Variants in GRAMD1B observed in about 807,000 individuals in gnomAD.
GRAMD1B encodes the protein GRAM domain containing 1B.
GRAMD1B carries 37 observed loss-of-function variants against 99.7 expected under a neutral mutation model. That is an observed-to-expected ratio of 0.37 (90% CI 0.29 to 0.49). GRAMD1B has a LOEUF of 0.49. Ranked by LOEUF, GRAMD1B falls within the 20% of genes least tolerant of loss-of-function variation. The pLI, the probability that GRAMD1B is intolerant of heterozygous loss-of-function variation, is 0.98. For missense variants in GRAMD1B, 888 were observed against 1,009.2 expected (o/e 0.88, Z 1.63); for synonymous variants, 427 against 387.6 (o/e 1.10, Z -1.19).
chr11:123,611,687 T>A lies in GRAMD1B; in HGVS notation c.1920-1074T>A, dbSNP rs376182273. Among the ~76,000 whole-genome samples, 8 of 152,226 alleles carry A rather than the reference T, an allele frequency of 5.3e-5. No homozygotes were observed. In the East Asian group the frequency reaches 1.5e-3, roughly 29 times the overall value. ...CTGCAGCCATGCAGAGGTAGCTGGG[T>A]GAACTTGAACAGACCATTATAGGAA... On this transcript the variant is annotated intron_variant, in intron 14 of 19. Transcript: ENST00000635736.
intron 1 of GRAMD1B, among the ~76,000 whole-genome samples, chr11:123,440,739 G>T (rs1233941191): frequency 6.6e-6 from 1 of 152,178 alleles, no homozygotes; most frequent in African/African-American, 2.4e-5. Flanking sequence ...CATGGTGCCA[G>T]TATCTGCTTC....
intron 4 of GRAMD1B, among the ~76,000 whole-genome samples, chr11:123,588,641 G>A (rs984958313): frequency 5.9e-5 from 9 of 152,190 alleles, no homozygotes; most frequent in African/African-American, 2.2e-4. Flanking sequence ...TCGGGATAGG[G>A]CTGACATGCA....
chr11:123,360,789 T>TTCCTTCCTTCCG (rs1946118102), intron 1 of GRAMD1B, among the ~76,000 whole-genome samples: 1 of 125,098 alleles, frequency 8.0e-6, no homozygotes, highest in East Asian at 2.5e-4. Context: ...CCTTCCTTCC[T>TTCCTTCCTTCCG]TCCTTCCTTC....
At chr11:123,618,902 C>T (rs967967828) in intron 18 of GRAMD1B, 102 bp downstream of exon 18, 2 of 747,388 alleles carry the variant, frequency 2.7e-6, no homozygotes, top group African/African-American at 1.7e-5. Flanking sequence ...CTTCCCCATC[C>T]CTCTGGGATG....
chr11:123,430,999 C>A lies in GRAMD1B; in HGVS notation c.207C>A (p.Ala69=). ...CCCGGGACCTGCCCGCCGTCTTGGC[C>A]CCCGGCAAGGAGTTCCTGCAGCTGC... ...GLARDLPAVL[A]PGKEFLQLPS... The change falls in exon 1 of 20, where the codon GCC becomes GCA. Residue 69 remains alanine (A), a synonymous_variant. Coordinates refer to ENST00000635736, the MANE Select transcript of GRAMD1B (RefSeq NM_001387025.1). 1 of 702,950 alleles carries A rather than the reference C, an allele frequency of 1.4e-6. No homozygotes were observed. Among genetic ancestry groups the A allele is most frequent in the Non-Finnish European group, 2.6e-6 (1 of 384,936 alleles). 43.5% of individuals were successfully genotyped at this position (702,950 alleles called of 1,614,324 possible).
intron 3 of GRAMD1B, among the ~76,000 whole-genome samples, chr11:123,579,630 G>T (rs901012367): frequency 6.6e-6 from 1 of 152,116 alleles, no homozygotes; most frequent in African/African-American, 2.4e-5. Context: ...GTTGATGTGG[G>T]ACTAGTGGGT....
At chr11:123,537,791 G>A (rs11219190) in intron 2 of GRAMD1B, among the ~76,000 whole-genome samples, 4,571 of 152,286 alleles carry the variant, frequency 0.03, 230 homozygotes, top group African/African-American at 0.1. Context: ...TAGCAGCAAT[G>A]ATAGTTCTCC....
chr11:123,515,181 G>A (rs948542116), intron 2 of GRAMD1B, among the ~76,000 whole-genome samples: 18 of 152,212 alleles, frequency 1.2e-4, no homozygotes, highest in Non-Finnish European at 1.5e-5. Context: ...AGCTGGTGGT[G>A]TGATTTGAGA....
intron 1 of GRAMD1B, chr11:123,458,932 A>G (rs10893040): frequency 0.15 from 22,527 of 152,066 alleles, 1,998 homozygotes; most frequent in East Asian, 0.4. Flanking sequence ...TTTCCCCCCA[A>G]CTCTGAGTCT....
At position 123,563,504 on chromosome 11, in the gene GRAMD1B, T is replaced by C. The variant is rs370040036; in HGVS notation, c.453-13863T>C. On this transcript the variant is annotated intron_variant, in intron 2 of 19. Coordinates refer to ENST00000635736, the MANE Select transcript of GRAMD1B (RefSeq NM_001387025.1). ...TAAGTGCAATATAACAGAGGGTTTT[T>C]TCTTTTTTTTTTTTTTCTTTTTTTT... Among the ~76,000 whole-genome samples, 17 of 151,728 alleles carry C rather than the reference T, an allele frequency of 1.1e-4. No individual in the cohort carries two copies. In the East Asian group the frequency reaches 2.3e-3, roughly 21 times the overall value.
chr11:123,534,008 T>C (rs1288597768), intron 2 of GRAMD1B, among the ~76,000 whole-genome samples: 1 of 152,224 alleles, frequency 6.6e-6, no homozygotes, highest in Non-Finnish European at 1.5e-5. Context: ...CAGCATTTAA[T>C]GGTTTGAATT....
chr11:123,376,767 G>T lies in GRAMD1B; in HGVS notation c.-176+17968G>T, dbSNP rs965363265. ...GGAACAGGGAAGTTCTCAGATAAGG[G>T]ATGTGGGAGAACTGGGACCAAGTCC... is the stretch of plus-strand genomic sequence containing the variant. On this transcript the variant is annotated intron_variant, in intron 1 of 20. Transcript: ENST00000638157. Among the ~76,000 whole-genome samples, 9 of 152,146 alleles carry T rather than the reference G, an allele frequency of 5.9e-5. 1 individual carries two copies. The highest frequency in any genetic ancestry group is 2.2e-4 in the African/African-American group (9 of 41,420).
chr11:123,496,262 C>T (rs1278604294), intron 2 of GRAMD1B, among the ~76,000 whole-genome samples: 9 of 151,498 alleles, frequency 5.9e-5, no homozygotes, highest in South Asian at 2.1e-4. Flanking sequence ...TTTTTTCCTT[C>T]GGCACTTTAA....
chr11:123,420,210 A>G (rs1591482704), intron 1 of GRAMD1B, among the ~76,000 whole-genome samples: 1 of 152,198 alleles, frequency 6.6e-6, no homozygotes, highest in Non-Finnish European at 1.5e-5. Flanking sequence ...TAGGCTCTGC[A>G]GTTTTCTCCT....
chr11:123,422,403 A>C (rs192206815), intron 1 of GRAMD1B, among the ~76,000 whole-genome samples: 39 of 152,350 alleles, frequency 2.6e-4, no homozygotes, highest in Admixed American at 2.4e-3. Context: ...ATGGTTGTCC[A>C]GAGCTGGATT....
rs1953424074 is a variant in GRAMD1B at position 123,610,705 on chromosome 11, A to T, written c.1919+367A>T. ...CTCATATGAGTTCAGGAACTTTGCC[A>T]AGAGTCATGTCTTTAGTAAGCACTG... On this transcript the variant is annotated intron_variant, in intron 14 of 19. Coordinates refer to ENST00000635736, the MANE Select transcript of GRAMD1B (RefSeq NM_001387025.1). This position sits in a 1 kb window ranked among gnomAD's most constrained non-coding sequence, Gnocchi z 4.1. Among the ~76,000 whole-genome samples, 1 of 152,210 alleles carries T rather than the reference A, an allele frequency of 6.6e-6. No individual in the cohort carries two copies. The highest frequency in any genetic ancestry group is 1.5e-5 in the Non-Finnish European group (1 of 68,044).
intron 3 of GRAMD1B, among the ~76,000 whole-genome samples, chr11:123,578,947 C>T (rs934966181): frequency 2.6e-5 from 4 of 152,194 alleles, no homozygotes; most frequent in East Asian, 1.9e-4. Flanking sequence ...GCTCTGCCTG[C>T]GTACTCTGTT....
In GRAMD1B at chr11:123,492,266, T is replaced by G. The variant is rs558393625; in HGVS notation, c.452+11373T>G. Reference sequence around the variant, plus strand: ...AAGAACTTGGAAATCCTGAGAAAGGTGCGGTAGGGAACAGTGTAGTCTGCC... The same window carrying G: ...AAGAACTTGGAAATCCTGAGAAAGGGGCGGTAGGGAACAGTGTAGTCTGCC... On this transcript the variant is annotated intron_variant, in intron 2 of 19. Transcript: ENST00000635736. This position sits in a 1 kb window ranked among gnomAD's most constrained non-coding sequence, Gnocchi z 4.2. Among the ~76,000 whole-genome samples the G allele has an allele frequency of 1.2e-4, 18 of 152,116 alleles. No individual in the cohort carries two copies. Among genetic ancestry groups the G allele is most frequent in the Admixed American group, 2.0e-4 (3 of 15,294 alleles).
At chr11:123,461,843 C>T (rs989294618) in intron 1 of GRAMD1B, among the ~76,000 whole-genome samples, 5 of 151,342 alleles carry the variant, frequency 3.3e-5, no homozygotes, top group African/African-American at 4.9e-5. Context: ...TGACCTCATG[C>T]GATACCCCCG....
Sources: gnomAD v4.1 joint callset for allele counts (sites outside exome capture counted in the v4.1 genomes callset) on GRCh38, gnomAD v4.1.1 for gene constraint, Gnocchi (gnomAD v3.1) non-coding constraint, MANE v1.5 for transcripts, NCBI Gene and HGNC (gene_info 2026-07-23, HGNC 2026-07-21) for gene names.